MTHFD2L: variants seen among roughly 807,000 people sequenced by gnomAD.
The protein encoded by MTHFD2L is bifunctional methylenetetrahydrofolate dehydrogenase/cyclohydrolase 2, mitochondrial.
In MTHFD2L, 29 loss-of-function variants were observed where a neutral mutation model predicts 34.9. The ratio of observed to expected loss-of-function variants is 0.83; its 90% CI spans 0.62 to 1.13. MTHFD2L has a LOEUF of 1.13. MTHFD2L is among the 50% of genes most tolerant of loss of function. MTHFD2L has a pLI of 0.00. For synonymous variants in MTHFD2L, 167 were observed against 155.7 expected, an observed-to-expected ratio of 1.07 and a Z score of -0.54; for missense variants, 481 against 446.5, an observed-to-expected ratio of 1.08 and a Z score of -0.70.
At chr4:74,145,737 G>A (rs1444620348) in intron 1 of MTHFD2L, among the ~76,000 whole-genome samples, 1 of 152,130 alleles carries the variant, frequency 6.6e-6, no homozygotes, top group Non-Finnish European at 1.5e-5. Flanking sequence ...GATCATGGGG[G>A]CAGAGTTCTC....
chr4:74,253,376 C>T (rs940796978), intron 6 of MTHFD2L, among the ~76,000 whole-genome samples: 2 of 152,048 alleles, frequency 1.3e-5, no homozygotes, highest in African/African-American at 4.8e-5. Flanking sequence ...TTTGAACAAA[C>T]ATCCATTGCA....
At chr4:74,201,517 AG>A (rs1261509493) in intron 5 of MTHFD2L, 147 bp downstream of exon 5, 8 of 472,304 alleles carry the variant, frequency 1.7e-5, no homozygotes, top group Non-Finnish European at 2.9e-5. Context: ...GTGATGTGAG[AG>A]TCTTGAAAGT....
chr4:74,124,346 T>C (rs1721928395), upstream of MTHFD2L, among the ~76,000 whole-genome samples: 1 of 151,958 alleles, frequency 6.6e-6, no homozygotes, highest in African/African-American at 2.4e-5. Flanking sequence ...CTGAAGGTGA[T>C]ATATCTGTTG....
chr4:74,218,354 A>ATT (rs1307644278), intron 5 of MTHFD2L, among the ~76,000 whole-genome samples: 1 of 152,106 alleles, frequency 6.6e-6, no homozygotes, highest in African/African-American at 2.4e-5. Flanking sequence ...AGTGCTACTC[A>ATT]TTGCCAGTCT....
chr4:74,291,291 A>G (rs1053980010), intron 7 of MTHFD2L, among the ~76,000 whole-genome samples: 1 of 151,984 alleles, frequency 6.6e-6, no homozygotes, highest in African/African-American at 2.4e-5. Flanking sequence ...CTGGGATTAC[A>G]GGCATGAGCC....
intron 6 of MTHFD2L, among the ~76,000 whole-genome samples, chr4:74,259,752 G>A (rs931736951): frequency 2.0e-5 from 3 of 152,204 alleles, no homozygotes; most frequent in Non-Finnish European, 4.4e-5. Flanking sequence ...AGAGAAGTAG[G>A]GAATGAAAAA....
intron 1 of MTHFD2L, among the ~76,000 whole-genome samples, chr4:74,149,826 C>A (rs1723821888): frequency 6.6e-6 from 1 of 152,102 alleles, no homozygotes; most frequent in South Asian, 2.1e-4. Context: ...ATGTTTATAT[C>A]CTAGGTTTCA....
intron 6 of MTHFD2L, among the ~76,000 whole-genome samples, chr4:74,271,523 G>T (rs10938112): frequency 6.6e-6 from 1 of 151,022 alleles, no homozygotes. Context: ...CTGTTCCATT[G>T]GTCTATATCT....
chr4:74,121,318 C>G (rs563536138), upstream of MTHFD2L, among the ~76,000 whole-genome samples: 6 of 152,092 alleles, frequency 3.9e-5, no homozygotes, highest in Non-Finnish European at 7.4e-5. Context: ...CTTCAAATCT[C>G]CATACATTCT....
At chr4:74,177,303 T>C (rs1183935801) in intron 3 of MTHFD2L, among the ~76,000 whole-genome samples, 1 of 151,996 alleles carries the variant, frequency 6.6e-6, no homozygotes, top group Admixed American at 6.6e-5. Flanking sequence ...TCACAATGAA[T>C]CTCCTGTTGG....
chr4:74,281,679 GA>G, intron 7 of MTHFD2L, 129 bp downstream of exon 7: 1 of 913,244 alleles, frequency 1.1e-6, no homozygotes, highest in Non-Finnish European at 1.6e-6. Flanking sequence ...TCTTCTGAGG[GA>G]AAAGATTTTA....
intron 5 of MTHFD2L, among the ~76,000 whole-genome samples, chr4:74,209,882 C>T (rs1478595940): frequency 6.6e-6 from 1 of 152,188 alleles, no homozygotes; most frequent in African/African-American, 2.4e-5. Context: ...TTAATGATCT[C>T]CATTCTAACT....
chr4:74,160,230 A>G, intron 1 of MTHFD2L: 1 of 525,416 alleles, frequency 1.9e-6, no homozygotes, highest in Non-Finnish European at 3.0e-6. Context: ...TTTACACCTT[A>G]GTGTTATTCT....
intron 5 of MTHFD2L, 57 bp from the exon 6 acceptor site, chr4:74,225,245 A>T: frequency 7.7e-7 from 1 of 1,293,152 alleles, no homozygotes; most frequent in Non-Finnish European, 1.1e-6. Flanking sequence ...GATTTAGAGC[A>T]TTTATAAAAT....
At chr4:74,184,461 C>G (rs1730767532) in intron 3 of MTHFD2L, among the ~76,000 whole-genome samples, 1 of 151,984 alleles carries the variant, frequency 6.6e-6, no homozygotes, top group Non-Finnish European at 1.5e-5. Flanking sequence ...GTTGGTTTAT[C>G]AAAAGTAAAT....
intron 1 of MTHFD2L, among the ~76,000 whole-genome samples, chr4:74,168,739 C>G (rs1455481991): frequency 1.3e-5 from 2 of 152,204 alleles, no homozygotes; most frequent in Middle Eastern, 3.4e-3. Flanking sequence ...AATTAGAAAA[C>G]AATCACTCTG....
rs535705979 is a variant in MTHFD2L, at chr4:74,163,254, T to A, written c.143+4973T>A. On this transcript the variant is annotated intron_variant, in intron 1 of 7. Transcript: ENST00000325278. ...AGACCTACCACTAGATCCTGTTATT[T>A]AATACTTTTAAAAAAAAGCATTTGA... Among the ~76,000 whole-genome samples the A allele has an allele frequency of 9.3e-4, 142 of 152,354 alleles. 1 individual carries two copies. Among genetic ancestry groups the A allele is most frequent in the South Asian group, 2.3e-3 (11 of 4,832 alleles).
intron 4 of MTHFD2L, among the ~76,000 whole-genome samples, 160 bp downstream of exon 4, chr4:74,200,106 C>G (rs1473425529): frequency 6.6e-6 from 1 of 152,014 alleles, no homozygotes; most frequent in East Asian, 1.9e-4. Context: ...GAAGTCAAAA[C>G]ATAATACAAT....
At chr4:74,236,037 C>T (rs942230677) in intron 6 of MTHFD2L, among the ~76,000 whole-genome samples, 1 of 152,102 alleles carries the variant, frequency 6.6e-6, no homozygotes, top group African/African-American at 2.4e-5. Context: ...ATGTAAACTT[C>T]TTTAATAAAT....
Sources: allele counts gnomAD v4.1 joint callset (sites outside exome capture counted in the v4.1 genomes callset), GRCh38; gene constraint gnomAD v4.1.1; transcripts MANE v1.5; gene names NCBI Gene and HGNC (gene_info 2026-07-23, HGNC 2026-07-21).